SPATS2L: variants seen among roughly 807,000 people sequenced by gnomAD.
SPATS2L encodes the protein spermatogenesis associated serine rich 2 like.
Under a neutral mutation model 59.6 loss-of-function variants are expected in SPATS2L, and 30 were observed. The ratio of observed to expected loss-of-function variants is 0.50; its 90% confidence interval spans 0.38 to 0.68. The LOEUF (loss-of-function observed/expected upper bound fraction) is 0.68. Ranked by LOEUF, SPATS2L falls within the 30% of genes least tolerant of loss-of-function variation. The probability of loss-of-function intolerance (pLI) is 0.00; values close to 1 mark genes in which losing one functional copy is unlikely to be tolerated. For missense variants in SPATS2L, 615 were observed against 700.0 expected, an observed-to-expected ratio of 0.88 and a Z score of 1.37; for synonymous variants, 252 against 263.5, an observed-to-expected ratio of 0.96 and a Z score of 0.42.
At chr2:200,312,114 A>G (rs973909583) in intron 1 of SPATS2L, among the ~76,000 whole-genome samples, 1 of 152,202 alleles carries the variant, frequency 6.6e-6, no homozygotes, top group African/African-American at 2.4e-5. Flanking sequence ...TGTGGTGCCA[A>G]GTGCTGAACT....
chr2:200,451,864 A>G (rs2085476164), intron 8 of SPATS2L, among the ~76,000 whole-genome samples: 1 of 150,926 alleles, frequency 6.6e-6, no homozygotes, highest in Non-Finnish European at 1.5e-5. Flanking sequence ...TACAACAGTG[A>G]TCAGAGTGAT....
chr2:200,474,502 G>A (rs1194740072), intron 12 of SPATS2L, among the ~76,000 whole-genome samples: 1 of 151,934 alleles, frequency 6.6e-6, no homozygotes, highest in African/African-American at 2.4e-5. Context: ...TGTAGAGATG[G>A]GGTTTTGTCA....
At chr2:200,467,597 A>G (rs1417660228) in intron 10 of SPATS2L, among the ~76,000 whole-genome samples, 198 bp downstream of exon 10, 2 of 152,206 alleles carry the variant, frequency 1.3e-5, no homozygotes, top group Non-Finnish European at 2.9e-5. Context: ...CTTTGAAGGA[A>G]TGTGTTACTC....
chr2:200,392,715 T>C (rs1231870893), intron 3 of SPATS2L, among the ~76,000 whole-genome samples: 1 of 152,192 alleles, frequency 6.6e-6, no homozygotes, highest in African/African-American at 2.4e-5. Flanking sequence ...CTTGTGCTGG[T>C]ATCTGAAGTG....
chr2:200,330,415 G>T (rs907750665), intron 2 of SPATS2L, among the ~76,000 whole-genome samples: 2 of 152,166 alleles, frequency 1.3e-5, no homozygotes, highest in African/African-American at 4.8e-5. Flanking sequence ...GTGGGAGTTG[G>T]TTGTTTTCCA....
intron 1 of SPATS2L, among the ~76,000 whole-genome samples, chr2:200,322,328 A>G (rs779791839): frequency 1.3e-5 from 2 of 152,220 alleles, no homozygotes; most frequent in African/African-American, 2.4e-5. Flanking sequence ...GGTATTTCAC[A>G]TAAGTCAGTT....
intron 11 of SPATS2L, among the ~76,000 whole-genome samples, chr2:200,470,293 T>G (rs34337181): frequency 0.024 from 3,612 of 152,340 alleles, 63 homozygotes; most frequent in Middle Eastern, 0.037. Context: ...TATTAAGCAC[T>G]GCCAGTTAAA....
intron 8 of SPATS2L, among the ~76,000 whole-genome samples, chr2:200,457,731 G>C (rs2085950035): frequency 6.6e-6 from 1 of 152,198 alleles, no homozygotes; most frequent in African/African-American, 2.4e-5. Flanking sequence ...AGGATTTCCT[G>C]GTTGGGAAGA....
At chr2:200,457,223 T>C (rs1289306275) in intron 8 of SPATS2L, among the ~76,000 whole-genome samples, 1 of 148,012 alleles carries the variant, frequency 6.8e-6, no homozygotes, top group East Asian at 2.0e-4. Flanking sequence ...AAAACATACA[T>C]ACACACACAC....
At position 200,477,786 on chromosome 2, in the gene SPATS2L, G is replaced by A. The variant is rs776803024; in HGVS notation, c.1432G>A (p.Gly478Ser). Residue 478 changes from glycine to serine, a missense_variant, in exon 13 of 13, where the codon GGC becomes AGC. Transcript: ENST00000409140. ...CGAACACAGAAGACAGCCGCACAAC[G>A]GCTTCCGGCCCAAAAACAAAGGCGG... is the stretch of plus-strand genomic sequence containing the variant. ...RHEHRRQPHN[G>S]FRPKNKGGAK... 1.3e-5 allele frequency: 21 copies of A among 1,577,688 alleles called. No individual in the cohort carries two copies. In the East Asian group the frequency reaches 1.4e-4, roughly 11 times the overall value.
chr2:200,343,610 A>G (rs1395999266), intron 2 of SPATS2L, among the ~76,000 whole-genome samples: 1 of 152,196 alleles, frequency 6.6e-6, no homozygotes, highest in Admixed American at 6.5e-5. Flanking sequence ...GAAATAATTA[A>G]AGATATGTGG....
At chr2:200,319,789 AC>A (rs2079504455) in intron 1 of SPATS2L, among the ~76,000 whole-genome samples, 1 of 152,038 alleles carries the variant, frequency 6.6e-6, no homozygotes. Context: ...TTTCCTAACA[AC>A]TGCTACAAAG....
intron 6 of SPATS2L, among the ~76,000 whole-genome samples, chr2:200,419,881 G>A (rs187057649): frequency 3.6e-4 from 55 of 152,112 alleles, no homozygotes; most frequent in Admixed American, 1.8e-3. Context: ...TAGCCAGTCA[G>A]AGGTCTTTTT....
chr2:200,413,787 T>C (rs1231334312), intron 4 of SPATS2L, among the ~76,000 whole-genome samples: 1 of 152,252 alleles, frequency 6.6e-6, no homozygotes, highest in East Asian at 1.9e-4. Flanking sequence ...AGGGTCCTAA[T>C]TGAATTAGCA....
intron 2 of SPATS2L, among the ~76,000 whole-genome samples, chr2:200,388,612 GC>G (rs10711834): frequency 0.99 from 141,860 of 143,976 alleles, 69,891 homozygotes; most frequent in Non-Finnish European, 1. Context: ...GTTTTGAGAT[GC>G]CCCCCCCCCA....
chr2:200,404,336 G>A lies in SPATS2L; in HGVS notation c.40-7975G>A, dbSNP rs978717261. Among the ~76,000 whole-genome samples, 6 of 152,360 alleles carry A rather than the reference G, an allele frequency of 3.9e-5. No homozygotes were observed. In the South Asian group the frequency reaches 1.0e-3, roughly 26 times the overall value. On this transcript the variant is annotated intron_variant, in intron 3 of 12. Transcript: ENST00000409140. ...GAAAGAAAGAATAGGGAGCAGGTAA[G>A]ATTCAGAGAGAACGTTGTTACCAGA...
intron 2 of SPATS2L, among the ~76,000 whole-genome samples, chr2:200,335,312 A>G (rs1299876166): frequency 6.6e-6 from 1 of 151,948 alleles, no homozygotes; most frequent in Non-Finnish European, 1.5e-5. Flanking sequence ...CGGGAGGCAG[A>G]GCTTGCAGTG....
intron 2 of SPATS2L, among the ~76,000 whole-genome samples, chr2:200,344,894 T>C (rs905483884): frequency 2.6e-5 from 4 of 152,214 alleles, no homozygotes; most frequent in African/African-American, 9.6e-5. Flanking sequence ...GTTCATATCC[T>C]TCGCCCACTT....
chr2:200,419,296 A>C lies in SPATS2L; in HGVS notation c.245A>C (p.Lys82Thr), dbSNP rs1426622776. ...AAGTCCAAGCAGCATCAAGGCAACA[A>C]AGATGCTAAAGACAAGGTGGAGAGG... ...RSKSKQHQGN[K>T]DAKDKVERPE... The change falls in exon 6 of 13, where the codon AAA becomes ACA. Residue 82 changes from lysine to threonine, a missense_variant. Transcript: ENST00000409140. The C allele has an allele frequency of 2.5e-6, 4 of 1,599,456 alleles. No individual in the cohort carries two copies. The highest frequency in any genetic ancestry group is 3.4e-6 in the Non-Finnish European group (4 of 1,172,578).
Sources: allele counts gnomAD v4.1 joint callset (sites outside exome capture counted in the v4.1 genomes callset), GRCh38; gene constraint gnomAD v4.1.1; transcripts MANE v1.5; gene names NCBI Gene and HGNC (gene_info 2026-07-23, HGNC 2026-07-21).